The following SUPT16H variants were observed in gnomAD, a reference collection of about 807,000 sequenced individuals.
SUPT16H encodes FACT complex subunit SPT16.
Under a neutral mutation model 136.2 loss-of-function variants are expected in SUPT16H, and 24 were observed. That is an observed-to-expected ratio of 0.18 (90% CI 0.13 to 0.25). The LOEUF (loss-of-function observed/expected upper bound fraction) is 0.25. Among genes scored for constraint, SUPT16H ranks in the 10% least tolerant of loss-of-function variants. The pLI is 1.00. For synonymous variants in SUPT16H, 415 were observed against 428.2 expected (o/e 0.97, Z 0.38); for missense variants, 623 against 1,270.2 (o/e 0.49, Z 7.74).
intron 1 of SUPT16H, among the ~76,000 whole-genome samples, chr14:21,377,576 CTT>C (rs771328078): frequency 5.1e-4 from 72 of 141,202 alleles, no homozygotes; most frequent in Non-Finnish European, 4.3e-4. Flanking sequence ...TCTATGCATC[CTT>C]TTTTTTTTTT....
At position 21,364,830 on chromosome 14, in the gene SUPT16H, A is replaced by C; in HGVS notation, c.1230T>G (p.Asp410Glu). The C allele has an allele frequency of 6.2e-7, 1 of 1,611,830 alleles. No individual in the cohort carries two copies. The highest frequency in any genetic ancestry group is 8.5e-7 in the Non-Finnish European group (1 of 1,179,574). Reference protein sequence around the residue: ...ALFIGDTVLVDEDGPATVLTS... With the variant: ...ALFIGDTVLVEEDGPATVLTS... The stretch of plus-strand genomic sequence containing the variant: ...AAAGTTTAGACACAATACACACCTC[A>C]TCCACAAGCACTGTGTCACCAATGA... Residue 410 changes from aspartate (D) to glutamate (E), a missense_variant, in exon 10 of 26, where the codon GAT (aspartate) becomes GAG (glutamate). Asp to Glu is a conservative substitution (Grantham distance 45). Around this residue, in one of 7 missense-constraint regions of SUPT16H, gnomAD observed 343 missense variants for 525.7 expected, o/e 0.65. Transcript: ENST00000216297.
chr14:21,363,304 C>T lies in SUPT16H; in HGVS notation c.1324G>A (p.Glu442Lys). 2 of 1,611,344 alleles carry T rather than the reference C, an allele frequency of 1.2e-6. No individual in the cohort carries two copies. The highest frequency in any genetic ancestry group is 8.5e-7 in the Non-Finnish European group (1 of 1,178,474). Reference sequence around the variant, plus strand: ...AGGTCCTCTGCCTCATCTTTCTCCTCCTCCTCTTCTTCCTCATCTTCATTC... The same window carrying T: ...AGGTCCTCTGCCTCATCTTTCTCCTTCTCCTCTTCTTCCTCATCTTCATTC... Reference protein sequence around the residue: ...LKNEDEEEEEEEKDEAEDLLG... With the variant: ...LKNEDEEEEEKEKDEAEDLLG... Residue 442 changes from glutamate to lysine, a missense_variant, in exon 12 of 26, where the codon GAG becomes AAG. By Grantham distance (56) the Glu-to-Lys change is moderately conservative. Around this residue, in one of 7 missense-constraint regions of SUPT16H, gnomAD observed 343 missense variants for 525.7 expected, o/e 0.65. Transcript: ENST00000216297.
intron 25 of SUPT16H, 59 bp from the exon 26 acceptor site, chr14:21,352,877 T>C: frequency 6.2e-7 from 1 of 1,609,132 alleles, no homozygotes; most frequent in Middle Eastern, 1.7e-4. Flanking sequence ...CTAATATTAC[T>C]GGATAGCATG....
At chr14:21,359,962 C>T (rs936656323) in intron 18 of SUPT16H, among the ~76,000 whole-genome samples, 4 of 152,192 alleles carry the variant, frequency 2.6e-5, no homozygotes, top group African/African-American at 7.2e-5. Context: ...AGATGCCAGG[C>T]CTTGTGGCCT....
At chr14:21,369,146 A>G in intron 6 of SUPT16H, 58 bp downstream of exon 6, 1 of 1,568,810 alleles carries the variant, frequency 6.4e-7, no homozygotes, top group African/African-American at 1.4e-5. Context: ...CAGATTTAAC[A>G]AAAAGAAAAA....
rs1566392884 is a variant in SUPT16H, at chr14:21,373,411, G to C, written c.86C>G (p.Ala29Gly). The C allele has an allele frequency of 6.2e-7, 1 of 1,613,864 alleles. No individual in the cohort carries two copies. Among genetic ancestry groups the C allele is most frequent in the Non-Finnish European group, 8.5e-7 (1 of 1,179,852 alleles). ...TGATACAACAATGGCATCAACGTTG[G>C]CATACTCATCTTCTCCTTTCTGAAA... ...SNWRKGEDEY[A>G]NVDAIVVSVG... The change falls in exon 2 of 26, where the codon GCC becomes GGC. Residue 29 changes from alanine to glycine, a missense_variant. By Grantham distance (60) the Ala-to-Gly change is moderately conservative. Coordinates refer to ENST00000216297, the MANE Select transcript of SUPT16H (RefSeq NM_007192.4).
At chr14:21,366,655 A>ATTTT (rs1886674921) in intron 7 of SUPT16H, 126 bp from the exon 8 acceptor site, 4 of 359,398 alleles carry the variant, frequency 1.1e-5, no homozygotes, top group African/African-American at 9.2e-5. Context: ...CAGTCCACTC[A>ATTTT]CTTTTTTTTT....
chr14:21,376,193 T>G (rs1036084315), intron 1 of SUPT16H, among the ~76,000 whole-genome samples: 3 of 152,222 alleles, frequency 2.0e-5, no homozygotes. Context: ...GATTTATTTC[T>G]GAATTTTCAC....
chr14:21,379,661 T>C (rs1886978177), intron 1 of SUPT16H, among the ~76,000 whole-genome samples: 1 of 152,038 alleles, frequency 6.6e-6, no homozygotes, highest in South Asian at 2.1e-4. Flanking sequence ...GAGACCAGCC[T>C]GGGACAACAC....
Position 21,362,310 on chromosome 14 carries a change from G to A in SUPT16H, c.1680C>T (p.Ser560=), listed in dbSNP as rs143347467. The change falls in exon 15 of 26, where the codon TCC becomes TCT. Residue 560 remains serine (S), a synonymous_variant. Transcript: ENST00000216297. ...GCAAGTAAGTATAATCTCCTTCCACGGACATACTTATATTCTGTTCAAAGG... is the reference window on the plus strand; with the variant it reads ...GCAAGTAAGTATAATCTCCTTCCACAGACATACTTATATTCTGTTCAAAGG... ...HIATIKNISM[S]VEGDYTYLRI... 325 of 1,613,538 alleles carry A rather than the reference G, an allele frequency of 2.0e-4. No individual in the cohort carries two copies. The highest frequency in any genetic ancestry group is 2.6e-4 in the Non-Finnish European group (309 of 1,179,864).
chr14:21,373,386 T>C lies in SUPT16H; in HGVS notation c.111A>G (p.Ser37=), dbSNP rs757734908. 1 of 1,614,188 alleles carries C rather than the reference T, an allele frequency of 6.2e-7. No individual in the cohort carries two copies. Among genetic ancestry groups the C allele is most frequent in the Non-Finnish European group, 8.5e-7 (1 of 1,180,016 alleles). ...AAACAATTTCTTCATCAACACCCAC[T>C]GATACAACAATGGCATCAACGTTGG... The part of the protein sequence containing the change: ...EYANVDAIVV[S]VGVDEEIVYA... The change falls in exon 2 of 26, where the codon TCA becomes TCG. Residue 37 remains serine, a synonymous_variant. Transcript: ENST00000216297.
Position 21,366,540 on chromosome 14 carries a change from G to A in SUPT16H, c.956-11C>T. On this transcript the variant is annotated splice_polypyrimidine_tract_variant and intron_variant, in intron 7 of 25. Transcript: ENST00000216297. ...CACATATCTTCACACCTAATAACAA[G>A]ACACAAAGGAGATATTAAAGTATCT... The A allele has an allele frequency of 6.3e-7, 1 of 1,596,356 alleles. No homozygotes were observed. The highest frequency in any genetic ancestry group is 1.1e-5 in the South Asian group (1 of 87,064).
chr14:21,379,405 C>T (rs1886971222), intron 1 of SUPT16H, among the ~76,000 whole-genome samples: 1 of 146,758 alleles, frequency 6.8e-6, no homozygotes, highest in South Asian at 2.1e-4. Flanking sequence ...CACTGCATTC[C>T]AGCCTGGGTG....
At chr14:21,368,584 GTTTTGTTTTAAATAAA>G in intron 6 of SUPT16H, 143 bp from the exon 7 acceptor site, 2 of 973,636 alleles carry the variant, frequency 2.1e-6, no homozygotes, top group East Asian at 5.9e-5. Flanking sequence ...ACTTTTTTGT[GTTTTGTTTTAAATAAA>G]CTAACCAGTT....
At chr14:21,358,096 G>C (rs1886473836) in intron 20 of SUPT16H, 94 bp from the exon 21 acceptor site, 1 of 1,163,422 alleles carries the variant, frequency 8.6e-7, no homozygotes, top group Non-Finnish European at 1.3e-6. Flanking sequence ...ATTCCAAACA[G>C]CTCCAGCATA....
At chr14:21,377,076 G>GAAAAAAAAAAA (rs11323425) in intron 1 of SUPT16H, among the ~76,000 whole-genome samples, 22 of 110,770 alleles carry the variant, frequency 2.0e-4, no homozygotes, top group African/African-American at 4.1e-4. Context: ...GAAAGAAAAA[G>GAAAAAAAAAAA]AAAAAAAAAA....
At chr14:21,377,076 G>GAAAAAAAAAAAAAAAAAAAAAA (rs11323425) in intron 1 of SUPT16H, among the ~76,000 whole-genome samples, 1 of 110,790 alleles carries the variant, frequency 9.0e-6, no homozygotes. Context: ...GAAAGAAAAA[G>GAAAAAAAAAAAAAAAAAAAAAA]AAAAAAAAAA....
Position 21,366,423 on chromosome 14 carries a change from A to C in SUPT16H, c.1046+16T>G. 6.2e-6 allele frequency: 10 copies of C among 1,611,142 alleles called. No homozygotes were observed. Among genetic ancestry groups the C allele is most frequent in the Non-Finnish European group, 8.5e-6 (10 of 1,178,380 alleles). On this transcript the variant is annotated intron_variant, in intron 8 of 25. Transcript: ENST00000216297. ...TGAAAACTGACTCAAGAATGACAAT[A>C]GACATCATGGCATACCCTAGGTTTT...
chr14:21,370,262 A>C (rs1886757737), intron 4 of SUPT16H, 74 bp downstream of exon 4: 3 of 1,534,308 alleles, frequency 2.0e-6, no homozygotes, highest in Admixed American at 1.9e-5. Context: ...AACGTCCTGC[A>C]CTATCTGTTA....
Sources: gnomAD v4.1 joint callset for allele counts (sites outside exome capture counted in the v4.1 genomes callset) on GRCh38, gnomAD v4.1.1 for gene constraint, gnomAD v4.1.1 regional missense constraint, MANE v1.5 for transcripts, NCBI Gene and HGNC (gene_info 2026-07-23, HGNC 2026-07-21) for gene names.